CLIP2: variants seen among roughly 807,000 people sequenced by gnomAD.
CLIP2 encodes the protein CAP-Gly domain containing linker protein 2, also known as CAP-Gly domain-containing linker protein 2.
CLIP2 carries 41 observed loss-of-function variants against 111.7 expected under a neutral mutation model. The ratio of observed to expected loss-of-function variants is 0.37; its 90% CI spans 0.29 to 0.48. The LOEUF (loss-of-function observed/expected upper bound fraction) is 0.48, where lower values mean the gene tolerates loss of function less well. CLIP2 is among the 20% of genes least tolerant of loss of function. The pLI, the probability that CLIP2 is intolerant of heterozygous loss-of-function variation, is 0.99. For missense variants in CLIP2, 1,160 were observed against 1,422.1 expected, an observed-to-expected ratio of 0.82 and a Z score of 2.96; for synonymous variants, 660 against 644.2, an observed-to-expected ratio of 1.02 and a Z score of -0.37.
At chr7:74,304,466 C>T (rs1216192897) in intron 1 of CLIP2, among the ~76,000 whole-genome samples, 6 of 149,802 alleles carry the variant, frequency 4.0e-5, no homozygotes, top group Non-Finnish European at 8.9e-5. Context: ...GTGGAGGTTG[C>T]AGTGAGCCGA....
intron 7 of CLIP2, among the ~76,000 whole-genome samples, chr7:74,362,623 C>T (rs1450842659): frequency 6.7e-6 from 1 of 148,346 alleles, no homozygotes; most frequent in African/African-American, 2.5e-5. Flanking sequence ...GCAACCTCCA[C>T]CTCCAGGTTC....
chr7:74,367,196 T>A (rs978694504), intron 8 of CLIP2, among the ~76,000 whole-genome samples: 57 of 148,040 alleles, frequency 3.9e-4, no homozygotes, highest in East Asian at 1.6e-3. Flanking sequence ...TTAAAAAAAA[T>A]TTTTTTTTTT....
chr7:74,402,819 T>TGGGC (rs1791658499), intron 16 of CLIP2, among the ~76,000 whole-genome samples: 1 of 152,176 alleles, frequency 6.6e-6, no homozygotes, highest in African/African-American at 2.4e-5. Flanking sequence ...CAGGGTTATG[T>TGGGC]GGGCAGAGCC....
intron 13 of CLIP2, among the ~76,000 whole-genome samples, chr7:74,390,868 C>T (rs1463766388): frequency 2.0e-5 from 3 of 151,488 alleles, no homozygotes; most frequent in South Asian, 2.1e-4. Flanking sequence ...TCCAACATGG[C>T]GAAACCCTGT....
intron 9 of CLIP2, 68 bp downstream of exon 9, chr7:74,373,104 C>A: frequency 1.1e-6 from 1 of 883,172 alleles, no homozygotes; most frequent in South Asian, 1.5e-5. Context: ...TCTGGCTTCT[C>A]TGTTTCATTA....
chr7:74,333,913 C>T (rs1175168178), intron 2 of CLIP2, among the ~76,000 whole-genome samples: 1 of 152,220 alleles, frequency 6.6e-6, no homozygotes, highest in African/African-American at 2.4e-5. Flanking sequence ...AGCTCCCAAA[C>T]AGCTTGCCTT....
At chr7:74,334,035 G>A (rs1198941281) in intron 2 of CLIP2, among the ~76,000 whole-genome samples, 3 of 152,124 alleles carry the variant, frequency 2.0e-5, no homozygotes, top group African/African-American at 2.4e-5. Flanking sequence ...GAATGTCAGC[G>A]CTGGAAAGGA....
chr7:74,299,279 T>C (rs229896), intron 1 of CLIP2, among the ~76,000 whole-genome samples: 118,193 of 151,896 alleles, frequency 0.78, 46,003 homozygotes, highest in East Asian at 0.83. Flanking sequence ...GAGCTGTGAT[T>C]GTGCCACTGC....
chr7:74,374,594 G>A (rs905753735), intron 9 of CLIP2, among the ~76,000 whole-genome samples: 23 of 152,190 alleles, frequency 1.5e-4, no homozygotes, highest in East Asian at 9.7e-4. Context: ...GGTGGTGCAC[G>A]CCTGTAGTCC....
At chr7:74,293,293 G>A (rs1554725622) in intron 1 of CLIP2, among the ~76,000 whole-genome samples, 1 of 152,150 alleles carries the variant, frequency 6.6e-6, no homozygotes, top group Non-Finnish European at 1.5e-5. Context: ...AAGCTGGCAG[G>A]CAGCTCCTCC....
Position 74,403,833 on chromosome 7 carries a change from C to A in CLIP2, c.3130-4C>A. The stretch of plus-strand genomic sequence containing the variant: ...TTGCTGATGATGCCCTTTACTCTCT[C>A]TAGGACAAGCACTGATCCTGAGGGG... On this transcript the variant is annotated splice_region_variant and splice_polypyrimidine_tract_variant and intron_variant, in intron 16 of 16. Transcript: ENST00000223398. 1.2e-6 allele frequency: 2 copies of A among 1,613,358 alleles called. No individual in the cohort carries two copies. The highest frequency in any genetic ancestry group is 1.7e-6 in the Non-Finnish European group (2 of 1,179,844).
intron 2 of CLIP2, among the ~76,000 whole-genome samples, chr7:74,332,926 T>C (rs1789335445): frequency 6.6e-6 from 1 of 152,114 alleles, no homozygotes; most frequent in Non-Finnish European, 1.5e-5. Flanking sequence ...CCTGATGAGA[T>C]TGAGCAGGAA....
At chr7:74,394,850 CCT>C (rs1476231192) in intron 13 of CLIP2, among the ~76,000 whole-genome samples, 1 of 152,176 alleles carries the variant, frequency 6.6e-6, no homozygotes, top group Non-Finnish European at 1.5e-5. Flanking sequence ...CCCTCCCTCC[CCT>C]GTCTCCCATC....
At chr7:74,391,684 G>T (rs1409143285) in intron 13 of CLIP2, among the ~76,000 whole-genome samples, 1 of 151,884 alleles carries the variant, frequency 6.6e-6, no homozygotes, top group Non-Finnish European at 1.5e-5. Flanking sequence ...GCCAGGCATG[G>T]TGGCACACAC....
At chr7:74,402,028 C>T (rs373340851) in intron 16 of CLIP2, among the ~76,000 whole-genome samples, 6 of 152,066 alleles carry the variant, frequency 3.9e-5, no homozygotes, top group Non-Finnish European at 7.4e-5. Context: ...TTTGGGAGGC[C>T]GAGGCCGGTG....
chr7:74,349,451 T>A (rs1453199691), intron 3 of CLIP2, among the ~76,000 whole-genome samples: 1 of 95,346 alleles, frequency 1.0e-5, no homozygotes, highest in Non-Finnish European at 2.1e-5. Context: ...AAAAAAAGTA[T>A]GTATGTGTGT....
At chr7:74,372,680 G>T (rs776118408) in intron 8 of CLIP2, among the ~76,000 whole-genome samples, 1 of 109,206 alleles carries the variant, frequency 9.2e-6, no homozygotes, top group Non-Finnish European at 1.9e-5. Context: ...ACCCCCCACC[G>T]CCCTACACTG....
At chr7:74,332,460 CTTTT>C (rs386410474) in intron 2 of CLIP2, among the ~76,000 whole-genome samples, 1 of 110,324 alleles carries the variant, frequency 9.1e-6, no homozygotes, top group Non-Finnish European at 1.8e-5. Flanking sequence ...CTAGAATTCT[CTTTT>C]TTTTTTTTTT....
At position 74,289,698 on chromosome 7, in the gene CLIP2, G is replaced by A. The variant is rs1787955478; in HGVS notation, c.-104G>A. ...AGAGGAGGAGGCCGGGGCTCTCCGG[G>A]CCTCCCGCCGCTTAGCCTGATGCTG... On this transcript the variant is annotated 5_prime_UTR_variant, in exon 1 of 17. Coordinates refer to ENST00000223398, the MANE Select transcript of CLIP2 (RefSeq NM_003388.5). 2 of 152,154 alleles carry A rather than the reference G, an allele frequency of 1.3e-5. No individual in the cohort carries two copies. Among genetic ancestry groups the A allele is most frequent in the South Asian group, 4.1e-4 (2 of 4,836 alleles). 9.4% of individuals were successfully genotyped at this position (152,154 alleles called of 1,614,324 possible).
Sources: gnomAD v4.1 joint callset for allele counts (sites outside exome capture counted in the v4.1 genomes callset) on GRCh38, gnomAD v4.1.1 for gene constraint, MANE v1.5 for transcripts, NCBI Gene and HGNC (gene_info 2026-07-23, HGNC 2026-07-21) for gene names.